DPP10: variants seen among roughly 807,000 people sequenced by gnomAD.
DPP10 encodes the protein dipeptidyl peptidase like 10.
Under a neutral mutation model 120.9 loss-of-function variants are expected in DPP10, and 33 were observed. The ratio of observed to expected loss-of-function variants is 0.27; its 90% CI spans 0.21 to 0.37. The LOEUF is 0.37. Among genes scored for constraint, DPP10 ranks in the 10% least tolerant of loss-of-function variants. The pLI is 1.00. For missense variants in DPP10, 816 were observed against 942.8 expected (o/e 0.87, Z 1.76); for synonymous variants, 337 against 326.1 (o/e 1.03, Z -0.36).
intron 1 of DPP10, among the ~76,000 whole-genome samples, chr2:114,568,444 C>T (rs1033218976): frequency 3.9e-5 from 6 of 152,096 alleles, no homozygotes; most frequent in Non-Finnish European, 7.4e-5. Flanking sequence ...GAACGAAGTA[C>T]ACAGAGAATG....
intron 1 of DPP10, among the ~76,000 whole-genome samples, chr2:114,478,081 A>G (rs1361335654): frequency 3.9e-5 from 6 of 151,946 alleles, no homozygotes. Flanking sequence ...TACTCAATTC[A>G]TTTCATACAG....
intron 5 of DPP10, among the ~76,000 whole-genome samples, chr2:115,679,903 AAAG>A (rs145023996): frequency 0.076 from 11,509 of 152,082 alleles, 615 homozygotes; most frequent in Non-Finnish European, 0.11. Flanking sequence ...TAGCTAGAAA[AAAG>A]AAGGAGTCCT....
chr2:115,048,286 C>T (rs116256089), intron 1 of DPP10, among the ~76,000 whole-genome samples: 56 of 152,026 alleles, frequency 3.7e-4, no homozygotes, highest in African/African-American at 1.3e-3. Flanking sequence ...CAGTATTTTC[C>T]CCAATCTAAT....
intron 1 of DPP10, among the ~76,000 whole-genome samples, chr2:114,761,036 GT>G (rs1384061791): frequency 6.6e-6 from 1 of 152,152 alleles, no homozygotes; most frequent in Non-Finnish European, 1.5e-5. Context: ...TAGCACTTCA[GT>G]TTTTTGTTGT....
At chr2:115,052,951 CAAA>C (rs70941023) in intron 1 of DPP10, among the ~76,000 whole-genome samples, 13 of 121,952 alleles carry the variant, frequency 1.1e-4, no homozygotes, top group South Asian at 2.8e-4. Context: ...GACTCCATCT[CAAA>C]AAAAAAAAAA....
intron 5 of DPP10, among the ~76,000 whole-genome samples, chr2:115,587,983 G>A (rs2082397580): frequency 6.6e-6 from 1 of 152,104 alleles, no homozygotes; most frequent in South Asian, 2.1e-4. Flanking sequence ...AATATTTATT[G>A]TAGTTGGTCA....
chr2:114,447,349 C>A (rs1164861905), intron 1 of DPP10, among the ~76,000 whole-genome samples: 1 of 151,988 alleles, frequency 6.6e-6, no homozygotes, highest in East Asian at 1.9e-4. Flanking sequence ...GACAAACCTG[C>A]GTTTCACATA....
At chr2:114,627,238 C>A (rs116057013) in intron 1 of DPP10, among the ~76,000 whole-genome samples, 73 of 152,152 alleles carry the variant, frequency 4.8e-4, no homozygotes, top group African/African-American at 1.8e-3. Flanking sequence ...GAACCAGCTG[C>A]CAAGAGAACA....
At chr2:114,803,587 C>T (rs1361098334) in intron 1 of DPP10, among the ~76,000 whole-genome samples, 1 of 152,216 alleles carries the variant, frequency 6.6e-6, no homozygotes, top group African/African-American at 2.4e-5. Flanking sequence ...TTGCTGGGAA[C>T]TGGAGCAAAA....
intron 1 of DPP10, among the ~76,000 whole-genome samples, chr2:114,912,872 A>G (rs540997354): frequency 6.6e-6 from 1 of 152,176 alleles, no homozygotes; most frequent in South Asian, 2.1e-4. Context: ...TAGCCTGTGT[A>G]GAGCCCAAAG....
intron 1 of DPP10, among the ~76,000 whole-genome samples, chr2:115,101,913 C>T (rs1048126630): frequency 6.6e-6 from 1 of 152,136 alleles, no homozygotes; most frequent in African/African-American, 2.4e-5. Flanking sequence ...GGTACCTGAA[C>T]CAATTCTGCA....
intron 1 of DPP10, chr2:115,234,502 C>G (rs1471175093): frequency 6.6e-6 from 1 of 152,528 alleles, no homozygotes; most frequent in Non-Finnish European, 1.5e-5. Flanking sequence ...TAAACTGGCC[C>G]TGAAAATTTT....
At chr2:114,598,500 T>C (rs1692107662) in intron 1 of DPP10, among the ~76,000 whole-genome samples, 2 of 151,868 alleles carry the variant, frequency 1.3e-5, no homozygotes. Flanking sequence ...TAACTGCGTT[T>C]CAAAGAATGC....
chr2:115,046,948 T>C (rs965440961), intron 1 of DPP10, among the ~76,000 whole-genome samples: 1 of 152,084 alleles, frequency 6.6e-6, no homozygotes, highest in Non-Finnish European at 1.5e-5. Flanking sequence ...CTTATTTTAA[T>C]TTTTTGTTTT....
intron 1 of DPP10, chr2:115,161,385 G>C (rs1353453396): frequency 1.3e-5 from 2 of 152,206 alleles, no homozygotes; most frequent in African/African-American, 4.8e-5. Context: ...CCGCTTCTCC[G>C]GGTTTTAGCG....
At chr2:115,484,408 A>T (rs2075641374) in intron 3 of DPP10, among the ~76,000 whole-genome samples, 1 of 152,072 alleles carries the variant, frequency 6.6e-6, no homozygotes, top group Non-Finnish European at 1.5e-5. Context: ...CCAACACATA[A>T]TCAATGCTTG....
chr2:115,631,035 G>A (rs1285510819), intron 5 of DPP10, among the ~76,000 whole-genome samples: 1 of 119,048 alleles, frequency 8.4e-6, no homozygotes, highest in Non-Finnish European at 1.7e-5. Flanking sequence ...TCTGATCCTG[G>A]GCTTTTTTTT....
intron 7 of DPP10, among the ~76,000 whole-genome samples, chr2:115,702,673 T>G (rs1206556212): frequency 6.6e-6 from 1 of 152,038 alleles, no homozygotes; most frequent in African/African-American, 2.4e-5. Context: ...AGAAAGGAGA[T>G]TAGTGGTTAC....
intron 1 of DPP10, among the ~76,000 whole-genome samples, chr2:114,537,450 A>G (rs913595403): frequency 6.6e-6 from 1 of 152,192 alleles, no homozygotes; most frequent in Non-Finnish European, 1.5e-5. Context: ...TACGTTTTCA[A>G]GTCGGCAAAT....
Sources: allele counts gnomAD v4.1 joint callset (sites outside exome capture counted in the v4.1 genomes callset), GRCh38; gene constraint gnomAD v4.1.1; transcripts MANE v1.5; gene names NCBI Gene and HGNC (gene_info 2026-07-23, HGNC 2026-07-21).